GDF5: variants seen among roughly 807,000 people sequenced by gnomAD.
GDF5 encodes growth/differentiation factor 5.
In GDF5, 17 loss-of-function variants were observed where a neutral mutation model predicts 34.6. The ratio of observed to expected loss-of-function variants is 0.49; its 90% CI spans 0.34 to 0.74. GDF5 has a LOEUF of 0.74. Ranked by LOEUF, GDF5 falls within the 30% of genes least tolerant of loss-of-function variation. The pLI is 0.01. For missense variants in GDF5, 616 were observed against 661.2 expected, an observed-to-expected ratio of 0.93 and a Z score of 0.75; for synonymous variants, 332 against 290.7, an observed-to-expected ratio of 1.14 and a Z score of -1.44.
chr20:35,450,141 GAA>G (rs397966517), intron 1 of GDF5, among the ~76,000 whole-genome samples: 5 of 126,224 alleles, frequency 4.0e-5, no homozygotes, highest in Non-Finnish European at 6.8e-5. Flanking sequence ...CATCTCTACT[GAA>G]AAAAAAAAAA....
chr20:35,448,945 G>A (rs2062522510), intron 1 of GDF5, among the ~76,000 whole-genome samples: 1 of 152,134 alleles, frequency 6.6e-6, no homozygotes, highest in Non-Finnish European at 1.5e-5. Context: ...ACTGAGGCGG[G>A]GTCAGGACCA....
intron 1 of GDF5, among the ~76,000 whole-genome samples, chr20:35,436,108 T>G (rs2062471651): frequency 6.6e-6 from 1 of 152,210 alleles, no homozygotes; most frequent in African/African-American, 2.4e-5. Context: ...CCCTCCTTCC[T>G]AAATTGCAAT....
upstream of GDF5, among the ~76,000 whole-genome samples, chr20:35,438,525 T>A (rs2062485399): frequency 6.6e-6 from 1 of 152,148 alleles, no homozygotes; most frequent in Non-Finnish European, 1.5e-5. Context: ...GCGATATATT[T>A]ATGTGAAAAA....
In GDF5 at chr20:35,434,498, G is replaced by T; in HGVS notation, c.917C>A (p.Ser306Ter). ...IWKLFRNFKN[S>*]AQLCLELEAW... ...CTCCAGCTCCAGGCACAGCTGGGCC[G>T]AGTTCTTAAAGTTTCGGAAGAGCTT... Residue 306 changes from serine to a stop codon, truncating the protein, a stop_gained, in exon 2 of 2, where the codon TCG becomes TAG. Coordinates refer to ENST00000374369, the MANE Select transcript of GDF5 (RefSeq NM_000557.5). LOFTEE classifies it high-confidence loss of function. 1 of 1,608,966 alleles carries T rather than the reference G, an allele frequency of 6.2e-7. No individual in the cohort carries two copies.
At position 35,434,358 on chromosome 20, in the gene GDF5, G is replaced by A. The variant is rs982732411; in HGVS notation, c.1057C>T (p.Leu353=). The A allele has an allele frequency of 1.2e-6, 2 of 1,613,706 alleles. No homozygotes were observed. The highest frequency in any genetic ancestry group is 1.7e-6 in the Non-Finnish European group (2 of 1,180,026). ...LVFGRTKKRD[L]FFNEIKARSG... is the part of the protein sequence containing the mutation. ...CGGGCCTTAATCTCATTAAAGAACA[G>A]GTCCCGTTTCTTGGTGCGGCCAAAC... Residue 353 remains leucine (L), a synonymous_variant, in exon 2 of 2, where the codon CTG becomes TTG. Coordinates refer to ENST00000374369, the MANE Select transcript of GDF5 (RefSeq NM_000557.5).
upstream of GDF5, among the ~76,000 whole-genome samples, chr20:35,439,195 G>A (rs1394232191): frequency 1.3e-5 from 2 of 151,078 alleles, no homozygotes; most frequent in East Asian, 1.9e-4. Flanking sequence ...GGGCAGCAGC[G>A]GCCCCTACAG....
chr20:35,439,561 G>A (rs117814675), upstream of GDF5, among the ~76,000 whole-genome samples: 1,491 of 152,270 alleles, frequency 9.8e-3, 64 homozygotes, highest in Admixed American at 0.068. Context: ...GGTAGCTCTG[G>A]AAGGTCTGAA....
intron 1 of GDF5, among the ~76,000 whole-genome samples, chr20:35,452,397 T>A (rs1487077570): frequency 6.6e-6 from 1 of 152,234 alleles, no homozygotes; most frequent in Non-Finnish European, 1.5e-5. Context: ...TTGGTATATC[T>A]TGGTAGTCTG....
Position 35,437,570 on chromosome 20 carries a change from C to T in GDF5, c.359G>A (p.Arg120Gln), listed in dbSNP as rs371554363. ...AAGCTGTCCTTTTGGGGTCACAGTC[C>T]GGGCTGTAGCCTGCCTTGTTTGGGG... ...HPPQTRQATA[R>Q]TVTPKGQLPG... The change falls in exon 1 of 2, where the codon CGG (arginine) becomes CAG (glutamine). Residue 120 changes from arginine to glutamine, a missense_variant. Transcript: ENST00000374369. The T allele has an allele frequency of 3.2e-5, 52 of 1,614,124 alleles. No homozygotes were observed. The East Asian group carries it at 3.3e-4, about 10-fold the overall frequency.
At chr20:35,454,023 A>G in intron 1 of GDF5, 2 of 534,508 alleles carry the variant, frequency 3.7e-6, no homozygotes, top group Non-Finnish European at 7.7e-6. Flanking sequence ...CCCCCGGTTT[A>G]GGGATTCTCT....
rs775380846 is a variant in GDF5, at chr20:35,434,566, C to A, written c.849G>T (p.Val283=). 6.3e-7 allele frequency: 1 copy of A among 1,588,648 alleles called. No individual in the cohort carries two copies. Among genetic ancestry groups the A allele is most frequent in the Non-Finnish European group, 8.6e-7 (1 of 1,166,056 alleles). The change falls in exon 2 of 2, where the codon GTG becomes GTT. Residue 283 remains valine, a synonymous_variant. Transcript: ENST00000374369. The part of the protein sequence containing the change: ...QPAALLDVRS[V]PGLDGSGWEV... ...CCCAGCCAGATCCGTCCAGGCCTGG[C>A]ACGGAGCGCACATCCAGCAAGGCGG...
intron 1 of GDF5, among the ~76,000 whole-genome samples, chr20:35,449,413 A>ACCAC (rs2041241475): frequency 6.6e-6 from 1 of 152,004 alleles, no homozygotes; most frequent in African/African-American, 2.4e-5. Flanking sequence ...AATAGTTGGG[A>ACCAC]CTACAGTAGT....
At chr20:35,448,999 T>C (rs188593207) in intron 1 of GDF5, among the ~76,000 whole-genome samples, 14 of 152,132 alleles carry the variant, frequency 9.2e-5, no homozygotes, top group African/African-American at 2.9e-4. Flanking sequence ...ACTAGGGAGA[T>C]TGACACAATT....
intron 1 of GDF5, chr20:35,435,368 T>C (rs983746306): frequency 6.7e-6 from 1 of 149,804 alleles, no homozygotes; most frequent in African/African-American, 2.6e-5. Context: ...GGAGGATTGA[T>C]TGACCCCAGG....
At chr20:35,438,824 C>CGTGTGTTTGTGT, upstream of GDF5, among the ~76,000 whole-genome samples, 1 of 126,490 alleles carries the variant, frequency 7.9e-6, no homozygotes, top group East Asian at 2.6e-4. Flanking sequence ...ATTTGTTATG[C>CGTGTGTTTGTGT]GTGTGTGTGT....
upstream of GDF5, among the ~76,000 whole-genome samples, chr20:35,442,839 C>T (rs2146587384): frequency 6.6e-6 from 1 of 152,250 alleles, no homozygotes; most frequent in South Asian, 2.1e-4. Context: ...AGCCACCATG[C>T]CTGGCCCAAT....
chr20:35,439,381 C>T (rs1271998035), upstream of GDF5, among the ~76,000 whole-genome samples: 1 of 152,086 alleles, frequency 6.6e-6, no homozygotes, highest in African/African-American at 2.4e-5. Flanking sequence ...GCCCCTGCCA[C>T]CACACCTGGC....
chr20:35,451,814 G>A (rs1172249264), intron 1 of GDF5, among the ~76,000 whole-genome samples: 4 of 152,066 alleles, frequency 2.6e-5, no homozygotes, highest in Admixed American at 1.3e-4. Context: ...GGTTACAGGC[G>A]TGAGCCACTG....
At chr20:35,441,009 G>A (rs1391034652), upstream of GDF5, among the ~76,000 whole-genome samples, 1 of 152,228 alleles carries the variant, frequency 6.6e-6, no homozygotes, top group African/African-American at 2.4e-5. Context: ...TTGAAGGGAA[G>A]AATTGTCTTG....
Sources: allele counts gnomAD v4.1 joint callset (sites outside exome capture counted in the v4.1 genomes callset), GRCh38; gene constraint gnomAD v4.1.1; transcripts MANE v1.5; gene names NCBI Gene and HGNC (gene_info 2026-07-23, HGNC 2026-07-21).